IMMP2L: variants seen among roughly 807,000 people sequenced by gnomAD.
IMMP2L encodes the protein mitochondrial inner membrane protease subunit 2.
IMMP2L carries 18 observed loss-of-function variants against 19.3 expected under a neutral mutation model. That is an observed-to-expected ratio of 0.93 (90% CI 0.64 to 1.38). IMMP2L has a LOEUF of 1.38. Among genes scored for constraint, IMMP2L ranks in the 40% most tolerant of loss-of-function variants. IMMP2L has a pLI of 0.00. For missense variants in IMMP2L, 233 were observed against 218.2 expected (o/e 1.07, Z -0.43); for synonymous variants, 76 against 73.0 (o/e 1.04, Z -0.21).
chr7:111,405,559 A>T (rs1039473292), intron 3 of IMMP2L, among the ~76,000 whole-genome samples: 4 of 152,134 alleles, frequency 2.6e-5, no homozygotes, highest in South Asian at 2.1e-4. Flanking sequence ...TTAGAGTATT[A>T]TCTGTTTGGA....
intron 5 of IMMP2L, among the ~76,000 whole-genome samples, chr7:110,666,012 C>T (rs1417990176): frequency 2.6e-5 from 4 of 152,112 alleles, no homozygotes; most frequent in Non-Finnish European, 5.9e-5. Context: ...TTCCCTTTCA[C>T]CCTAACTGCC....
At chr7:111,314,020 G>A (rs1236301169) in intron 3 of IMMP2L, among the ~76,000 whole-genome samples, 1 of 152,088 alleles carries the variant, frequency 6.6e-6, no homozygotes, top group Non-Finnish European at 1.5e-5. Context: ...TGTGTGAAGT[G>A]CCTGTTCCCG....
At chr7:110,838,100 G>T (rs536435121) in intron 5 of IMMP2L, among the ~76,000 whole-genome samples, 1 of 152,202 alleles carries the variant, frequency 6.6e-6, no homozygotes, top group South Asian at 2.1e-4. Flanking sequence ...ATAGTAGTTA[G>T]AATTTGTAAT....
chr7:111,176,421 T>G (rs11981564), intron 3 of IMMP2L, among the ~76,000 whole-genome samples: 1 of 151,514 alleles, frequency 6.6e-6, no homozygotes, highest in Non-Finnish European at 1.5e-5. Context: ...ATATACACAA[T>G]GGAGTACTAT....
At chr7:111,250,371 C>T (rs1002389806) in intron 3 of IMMP2L, among the ~76,000 whole-genome samples, 4 of 152,130 alleles carry the variant, frequency 2.6e-5, no homozygotes, top group Non-Finnish European at 5.9e-5. Flanking sequence ...ACTAAACGAC[C>T]ATTGACGTTT....
intron 3 of IMMP2L, among the ~76,000 whole-genome samples, chr7:111,304,670 ATGTGTGTGTGTGTGTGTGTGTGTGTGTG>A (rs147788856): frequency 7.9e-6 from 1 of 126,010 alleles, no homozygotes; most frequent in East Asian, 2.5e-4. Context: ...CACATATATA[ATGTGTGTGTGTGTGTGTGTGTGTGTGTG>A]TGTGTGTGTG....
At chr7:111,424,496 C>T (rs1428071090) in intron 3 of IMMP2L, among the ~76,000 whole-genome samples, 1 of 151,738 alleles carries the variant, frequency 6.6e-6, no homozygotes, top group Non-Finnish European at 1.5e-5. Flanking sequence ...TTACTCGTGA[C>T]TTTTTTCTCT....
At chr7:111,347,874 C>T (rs955962173) in intron 3 of IMMP2L, among the ~76,000 whole-genome samples, 4 of 151,900 alleles carry the variant, frequency 2.6e-5, no homozygotes, top group African/African-American at 9.7e-5. Context: ...TTATCTCTCA[C>T]AGAAAATTTT....
At chr7:110,744,022 C>T (rs1197396066) in intron 5 of IMMP2L, among the ~76,000 whole-genome samples, 1 of 152,180 alleles carries the variant, frequency 6.6e-6, no homozygotes. Context: ...ATTCTTGCTG[C>T]CAGCACAGCA....
At chr7:111,210,464 T>C (rs2129618229) in intron 3 of IMMP2L, among the ~76,000 whole-genome samples, 1 of 152,296 alleles carries the variant, frequency 6.6e-6, no homozygotes, top group African/African-American at 2.4e-5. Context: ...GATAGGTGCC[T>C]CATTATTCTT....
chr7:110,837,641 T>C (rs544982056), intron 5 of IMMP2L, among the ~76,000 whole-genome samples: 23 of 152,124 alleles, frequency 1.5e-4, no homozygotes, highest in Admixed American at 9.8e-4. Context: ...TTAAAAAAAA[T>C]AGCTTAATGA....
At chr7:110,965,321 T>C (rs552206892) in intron 3 of IMMP2L, among the ~76,000 whole-genome samples, 11 of 152,188 alleles carry the variant, frequency 7.2e-5, no homozygotes, top group African/African-American at 2.6e-4. Context: ...ACTGAAAAGA[T>C]CAAATATATT....
chr7:111,277,551 G>A (rs1429746166), intron 3 of IMMP2L, among the ~76,000 whole-genome samples: 1 of 146,150 alleles, frequency 6.8e-6, no homozygotes, highest in Non-Finnish European at 1.5e-5. Context: ...AGACAGACAG[G>A]GACCTTGTCT....
chr7:110,781,577 A>G (rs1429894377), intron 5 of IMMP2L, among the ~76,000 whole-genome samples: 3 of 151,778 alleles, frequency 2.0e-5, no homozygotes, highest in Non-Finnish European at 2.9e-5. Flanking sequence ...GTATTTTTCC[A>G]AGAAAACCAT....
chr7:111,543,932 T>C (rs1434203480), intron 1 of IMMP2L, among the ~76,000 whole-genome samples: 2 of 152,082 alleles, frequency 1.3e-5, no homozygotes, highest in Non-Finnish European at 2.9e-5. Context: ...CTCAGAATCA[T>C]TAAAAGGTGT....
At chr7:110,855,936 C>G (rs999221079) in intron 5 of IMMP2L, among the ~76,000 whole-genome samples, 2 of 151,950 alleles carry the variant, frequency 1.3e-5, no homozygotes, top group African/African-American at 4.8e-5. Context: ...AATAATCAAT[C>G]TACTCAATAC....
At chr7:110,878,429 T>C (rs1406085701) in intron 5 of IMMP2L, among the ~76,000 whole-genome samples, 1 of 152,128 alleles carries the variant, frequency 6.6e-6, no homozygotes, top group Non-Finnish European at 1.5e-5. Context: ...TAATTTTATG[T>C]TAATATTTAT....
intron 3 of IMMP2L, among the ~76,000 whole-genome samples, chr7:111,406,747 T>C (rs1833930902): frequency 6.6e-6 from 1 of 152,056 alleles, no homozygotes. Flanking sequence ...GTGACTCCTA[T>C]CAATTCTATA....
intron 3 of IMMP2L, among the ~76,000 whole-genome samples, chr7:111,316,366 A>G (rs1824078021): frequency 6.6e-6 from 1 of 152,190 alleles, no homozygotes; most frequent in African/African-American, 2.4e-5. Context: ...AAGTCGAAAA[A>G]AGGGCCTGAA....
Sources: allele counts gnomAD v4.1 joint callset (sites outside exome capture counted in the v4.1 genomes callset), GRCh38; gene constraint gnomAD v4.1.1; transcripts MANE v1.5; gene names NCBI Gene and HGNC (gene_info 2026-07-23, HGNC 2026-07-21).